SWAP70: variants seen among roughly 807,000 people sequenced by gnomAD.
SWAP70 encodes the protein switch-associated protein 70.
In SWAP70, 34 loss-of-function variants were observed where a neutral mutation model predicts 80.2. The ratio of observed to expected loss-of-function variants is 0.42; its 90% CI spans 0.32 to 0.56. The LOEUF is 0.56. SWAP70 is among the 20% of genes least tolerant of loss of function. The pLI, the probability that SWAP70 is intolerant of heterozygous loss-of-function variation, is 0.09. For missense variants in SWAP70, 578 were observed against 690.7 expected, an observed-to-expected ratio of 0.84 and a Z score of 1.83; for synonymous variants, 239 against 238.5, an observed-to-expected ratio of 1.00 and a Z score of -0.02.
rs776848563 is a variant in SWAP70 at position 9,724,759 on chromosome 11, C to T, written c.516C>T (p.Gly172=). ...TCAACTTTGATGACAGTAAAAATGG[C>T]CTTTCTGCATGGGAACTTATTGAGC... ...YKINFDDSKN[G]LSAWELIELI... The change falls in exon 4 of 12, where the codon GGC becomes GGT. Residue 172 remains glycine, a synonymous_variant. Transcript: ENST00000318950. 3 of 1,613,906 alleles carry T rather than the reference C, an allele frequency of 1.9e-6. No homozygotes were observed. The highest frequency in any genetic ancestry group is 1.1e-5 in the South Asian group (1 of 91,078).
intron 1 of SWAP70, among the ~76,000 whole-genome samples, chr11:9,678,702 A>G (rs1231584511): frequency 6.6e-6 from 1 of 151,980 alleles, no homozygotes; most frequent in Non-Finnish European, 1.5e-5. Flanking sequence ...CTAGAGACAG[A>G]AGAGGCTTTA....
intron 3 of SWAP70, among the ~76,000 whole-genome samples, chr11:9,722,906 CA>C (rs1238491309): frequency 6.6e-6 from 1 of 152,102 alleles, no homozygotes; most frequent in Non-Finnish European, 1.5e-5. Context: ...TAGGGAGGCA[CA>C]AAGCTTAAAT....
At chr11:9,738,787 G>T (rs1851398200) in intron 8 of SWAP70, among the ~76,000 whole-genome samples, 1 of 151,938 alleles carries the variant, frequency 6.6e-6, no homozygotes, top group Non-Finnish European at 1.5e-5. Flanking sequence ...CTTGAGCCCA[G>T]GAGTTCAAGG....
intron 4 of SWAP70, among the ~76,000 whole-genome samples, chr11:9,725,762 G>C (rs1851216118): frequency 1.3e-5 from 2 of 151,468 alleles, no homozygotes; most frequent in Non-Finnish European, 2.9e-5. Flanking sequence ...AGTAGAGATG[G>C]GATTTCACCA....
Position 9,664,598 on chromosome 11 carries a change from G to A in SWAP70, c.99+320G>A, listed in dbSNP as rs11819952. 3.2e-3 allele frequency among the ~76,000 whole-genome samples: 495 copies of A among 152,348 alleles called. 2 individuals are homozygous for A. The highest frequency in any genetic ancestry group is 0.011 in the African/African-American group (439 of 41,576). On this transcript the variant is annotated intron_variant, in intron 1 of 11. Coordinates refer to ENST00000318950, the MANE Select transcript of SWAP70 (RefSeq NM_015055.4). The stretch of plus-strand genomic sequence containing the variant: ...CCTTCTTGGCGTTGGAGAGCGGGGG[G>A]CAGAAAGTGGATTCTGAGGCGGCAA...
chr11:9,681,345 A>G (rs1850566080), intron 1 of SWAP70: 2 of 152,232 alleles, frequency 1.3e-5, no homozygotes, highest in African/African-American at 4.8e-5. Flanking sequence ...TTAAAGAGAG[A>G]TGGGGCTACA....
chr11:9,671,785 AT>A (rs1850410561), intron 1 of SWAP70, among the ~76,000 whole-genome samples: 2 of 11,492 alleles, frequency 1.7e-4, no homozygotes, highest in Non-Finnish European at 7.1e-4. Flanking sequence ...ATAATATATT[AT>A]TATTTATAAA....
rs1851201753 is a variant in SWAP70 at position 9,725,544 on chromosome 11, TATATATATATATATA to T, written c.642+660_642+674del. Among the ~76,000 whole-genome samples, 6 of 8,828 alleles carry T rather than the reference TATATATATATATATA, an allele frequency of 6.8e-4. 1 individual carries two copies. Among genetic ancestry groups the T allele is most frequent in the African/African-American group, 2.1e-3 (6 of 2,908 alleles). 5.8% of individuals were successfully genotyped at this position (8,828 alleles called of 152,430 possible). A position where few individuals can be genotyped will look rare whatever the true frequency, so the allele number is the denominator to read the frequency against. On this transcript the variant is annotated intron_variant, in intron 4 of 11. Transcript: ENST00000318950. Reference sequence around the variant, plus strand: ...TAAAAATACAAAATATATATATATATATATATATATATATATATATATATATTTTTTTTTTTTTTT... The same window carrying T: ...TAAAAATACAAAATATATATATATATTATATATATATTTTTTTTTTTTTTT...
chr11:9,746,447 A>G (rs960647882), intron 9 of SWAP70, among the ~76,000 whole-genome samples: 1 of 152,252 alleles, frequency 6.6e-6, no homozygotes, highest in African/African-American at 2.4e-5. Context: ...TAGAAGGCAC[A>G]TAAAAAATAC....
chr11:9,696,553 T>A (rs1053532086), intron 2 of SWAP70, among the ~76,000 whole-genome samples: 6 of 152,128 alleles, frequency 3.9e-5, no homozygotes, highest in Non-Finnish European at 8.8e-5. Flanking sequence ...AATCAATATA[T>A]GCTATTTTGT....
chr11:9,705,137 A>ACACTGGTGATCTGTATG (rs71034729), intron 2 of SWAP70, among the ~76,000 whole-genome samples: 1 of 144,144 alleles, frequency 6.9e-6, no homozygotes, highest in African/African-American at 2.7e-5. Flanking sequence ...TGATCTGTAT[A>ACACTGGTGATCTGTATG]CACTGGTGAT....
rs142672032 is a variant in SWAP70 at position 9,676,449 on chromosome 11, G to A, written c.99+12171G>A. Among the ~76,000 whole-genome samples the A allele has an allele frequency of 3.0e-4, 46 of 152,142 alleles. No homozygotes were observed. In the Middle Eastern group the frequency reaches 0.01, roughly 34 times the overall value. On this transcript the variant is annotated intron_variant, in intron 1 of 11. Transcript: ENST00000318950. ...AGGACTCCCTGCAGATACCAAAATC[G>A]TAGGATGCTCAAGACTCTTATATAA...
At position 9,752,050 on chromosome 11, in the gene SWAP70, C is replaced by T. The variant is rs993712383; in HGVS notation, c.*2080C>T. On this transcript the variant is annotated 3_prime_UTR_variant, in exon 12 of 12. Coordinates refer to ENST00000318950, the MANE Select transcript of SWAP70 (RefSeq NM_015055.4). ...CCAGAAGACTCCAGTATCCCTCATT[C>T]CAGAATGAGGAAAAAGTATTCTACA... The T allele has an allele frequency of 2.0e-5, 3 of 152,142 alleles. No homozygotes were observed. The highest frequency in any genetic ancestry group is 4.4e-5 in the Non-Finnish European group (3 of 68,040). 9.4% of individuals were successfully genotyped at this position (152,142 alleles called of 1,614,324 possible). A position where few individuals can be genotyped will look rare whatever the true frequency, so the allele number is the denominator to read the frequency against.
rs770536877 is a variant in SWAP70, at chr11:9,747,954, G to T, written c.1452G>T (p.Glu484Asp). Residue 484 changes from glutamate (E) to aspartate (D), a missense_variant, in exon 10 of 12, where the codon GAG becomes GAT. By Grantham distance (45) the Glu-to-Asp change is conservative. Coordinates refer to ENST00000318950, the MANE Select transcript of SWAP70 (RefSeq NM_015055.4). ...AGACAACCGAGGCGGAGAAGCAGGA[G>T]TTGGAGAATCAGCGTGTCCTGAAGG... is the stretch of plus-strand genomic sequence containing the variant. ...AIQTTEAEKQELENQRVLKEQ... is the reference protein window; with the variant it reads ...AIQTTEAEKQDLENQRVLKEQ... The T allele has an allele frequency of 3.1e-6, 5 of 1,614,222 alleles. No individual in the cohort carries two copies. The South Asian group carries it at 4.4e-5, about 14-fold the overall frequency.
At chr11:9,685,015 T>C (rs1372258525) in intron 1 of SWAP70, among the ~76,000 whole-genome samples, 1 of 152,184 alleles carries the variant, frequency 6.6e-6, no homozygotes, top group African/African-American at 2.4e-5. Context: ...TCACAAATCA[T>C]TTACCTTCTT....
At chr11:9,732,499 A>T (rs755344834) in intron 6 of SWAP70, 30 bp from the exon 7 acceptor site, 34 of 1,399,882 alleles carry the variant, frequency 2.4e-5, no homozygotes, top group Middle Eastern at 3.7e-4. Context: ...ATATCTCCCC[A>T]TTTTTTTTTT....
chr11:9,709,792 A>G (rs2134470050), intron 2 of SWAP70, among the ~76,000 whole-genome samples: 1 of 152,270 alleles, frequency 6.6e-6, no homozygotes, highest in African/African-American at 2.4e-5. Flanking sequence ...CCTGGCTTCC[A>G]AGGTTAGCTT....
chr11:9,665,211 T>C (rs764450984), intron 1 of SWAP70, among the ~76,000 whole-genome samples: 1 of 152,214 alleles, frequency 6.6e-6, no homozygotes, highest in Non-Finnish European at 1.5e-5. Context: ...TGGGAATAAA[T>C]TCTGAAGATT....
chr11:9,673,238 G>A (rs1850443064), intron 1 of SWAP70, among the ~76,000 whole-genome samples: 1 of 152,198 alleles, frequency 6.6e-6, no homozygotes. Flanking sequence ...GGTTCTCCGT[G>A]ACCCCGTCTT....
Sources: gnomAD v4.1 joint callset for allele counts (sites outside exome capture counted in the v4.1 genomes callset) on GRCh38, gnomAD v4.1.1 for gene constraint, MANE v1.5 for transcripts, NCBI Gene and HGNC (gene_info 2026-07-23, HGNC 2026-07-21) for gene names.